The following CASZ1 variants were observed in gnomAD, a reference collection of about 807,000 sequenced individuals.
The protein encoded by CASZ1 is zinc finger protein castor homolog 1.
CASZ1 carries 28 observed loss-of-function variants against 135.2 expected under a neutral mutation model. The observed-to-expected ratio is 0.21, with a 90% CI of 0.15 to 0.28. The LOEUF is 0.28. CASZ1 is among the 10% of genes least tolerant of loss of function. The pLI is 1.00. For synonymous variants in CASZ1, 1,068 were observed against 1,073.4 expected (o/e 0.99, Z 0.10); for missense variants, 2,161 against 2,453.3 (o/e 0.88, Z 2.52).
In CASZ1 at chr1:10,779,279, ATTTTTTTTTTTTT is replaced by A. The variant is rs386366223; in HGVS notation, c.-234+17272_-234+17284del. 3.2e-5 allele frequency among the ~76,000 whole-genome samples: 4 copies of A among 125,232 alleles called. No individual in the cohort carries two copies. The East Asian group carries it at 9.9e-4, about 31-fold the overall frequency. The allele number at this position is 125,232 out of a possible 152,430, so 82.2% of individuals were successfully genotyped here. A position where few individuals can be genotyped will look rare whatever the true frequency, so the allele number is the denominator to read the frequency against. ...GTACAAACTATCTCATAATTTTATA[ATTTTTTTTTTTTT>A]TTTTTTTTTAGCACACTGGCCTAGG... On this transcript the variant is annotated intron_variant, in intron 1 of 20. Transcript: ENST00000377022.
chr1:10,677,818 C>T (rs1638271698), intron 4 of CASZ1, among the ~76,000 whole-genome samples: 1 of 152,236 alleles, frequency 6.6e-6, no homozygotes, highest in South Asian at 2.1e-4. Flanking sequence ...ACAAAGGCCC[C>T]CTGCTGCGGA....
rs753601864 is a variant in CASZ1, at chr1:10,665,143, TCTC to T, written c.442_444del (p.Glu148del). The T allele has an allele frequency of 1.6e-5, 24 of 1,532,338 alleles. No homozygotes were observed. The highest frequency in any genetic ancestry group is 2.0e-5 in the Non-Finnish European group (23 of 1,137,892). 94.9% of individuals were successfully genotyped at this position (1,532,338 alleles called of 1,614,324 possible). A position where few individuals can be genotyped will look rare whatever the true frequency, so the allele number is the denominator to read the frequency against. On this transcript the variant is annotated inframe_deletion, in exon 5 of 21. Transcript: ENST00000377022. ...TTGGAGGCTGCCCCGTCCGAATCCT[TCTC>T]CTCCAGGGCACCGCCGTCCTTGGAG...
At chr1:10,680,533 CA>C (rs1277416324) in intron 4 of CASZ1, among the ~76,000 whole-genome samples, 1 of 152,164 alleles carries the variant, frequency 6.6e-6, no homozygotes, top group Admixed American at 6.5e-5. Flanking sequence ...CTTTGGGTCT[CA>C]GGGGGTGCAG....
intron 1 of CASZ1, among the ~76,000 whole-genome samples, chr1:10,789,057 C>A (rs1020047755): frequency 2.0e-5 from 3 of 152,162 alleles, no homozygotes; most frequent in African/African-American, 7.2e-5. Flanking sequence ...TCTAACCCTA[C>A]CCCCACCTGG....
At chr1:10,770,438 T>G (rs1032620230) in intron 1 of CASZ1, among the ~76,000 whole-genome samples, 15 of 152,166 alleles carry the variant, frequency 9.9e-5, no homozygotes, top group African/African-American at 3.6e-4. Flanking sequence ...GAGCATAACT[T>G]GTAATCAAGG....
chr1:10,694,381 C>T lies in CASZ1; in HGVS notation c.-23-469G>A. ...TAATGCCTAATTGCAACTGATTACT[C>T]CCCGAATAACAAGTTGTTTTAAAGC... On this transcript the variant is annotated intron_variant, in intron 3 of 20. Transcript: ENST00000377022. The surrounding 1 kb of genome is among the most constrained non-coding windows in gnomAD (Gnocchi z 6.6). The T allele has an allele frequency of 9.7e-7, 1 of 1,031,334 alleles. No homozygotes were observed. Among genetic ancestry groups the T allele is most frequent in the Non-Finnish European group, 1.2e-6 (1 of 813,010 alleles). 63.9% of individuals were successfully genotyped at this position (1,031,334 alleles called of 1,614,324 possible). A position where few individuals can be genotyped will look rare whatever the true frequency, so the allele number is the denominator to read the frequency against.
chr1:10,788,157 G>C lies in CASZ1; in HGVS notation c.-234+8407C>G, dbSNP rs914625184. ...TGTGCCCAAGAGCTCTGCCATTAAG[G>C]GGATGTATCCATTACTGTGGATAGG... On this transcript the variant is annotated intron_variant, in intron 1 of 20. Coordinates refer to ENST00000377022, the MANE Select transcript of CASZ1 (RefSeq NM_001079843.3). The surrounding 1 kb of genome is among the most constrained non-coding windows in gnomAD (Gnocchi z 4.1). Among the ~76,000 whole-genome samples, 3 of 152,182 alleles carry C rather than the reference G, an allele frequency of 2.0e-5. No individual in the cohort carries two copies. The highest frequency in any genetic ancestry group is 7.2e-5 in the African/African-American group (3 of 41,442).
intron 4 of CASZ1, among the ~76,000 whole-genome samples, chr1:10,672,446 C>T (rs1643435763): frequency 6.7e-6 from 1 of 150,182 alleles, no homozygotes; most frequent in African/African-American, 2.4e-5. Context: ...GGACAGTGAT[C>T]CTTCACTCGC....
chr1:10,785,703 G>A lies in CASZ1; in HGVS notation c.-234+10861C>T, dbSNP rs116653206. Among the ~76,000 whole-genome samples the A allele has an allele frequency of 2.1e-3, 318 of 152,344 alleles. 1 individual carries two copies. Among genetic ancestry groups the A allele is most frequent in the African/African-American group, 7.2e-3 (301 of 41,578 alleles). The stretch of plus-strand genomic sequence containing the variant: ...CATGTCAGGGGCTAAAGGGACAACC[G>A]TTGTCCTCTGCCCCTTGGCTAAGCA... On this transcript the variant is annotated intron_variant, in intron 1 of 20. Transcript: ENST00000377022.
intron 2 of CASZ1, among the ~76,000 whole-genome samples, chr1:10,710,618 C>A (rs1482137619): frequency 1.3e-5 from 2 of 152,214 alleles, no homozygotes; most frequent in Admixed American, 1.3e-4. Flanking sequence ...TCTCTGCCAG[C>A]TCAGGGCTCA....
chr1:10,728,284 T>C (rs1384689455), intron 2 of CASZ1, among the ~76,000 whole-genome samples: 1 of 152,178 alleles, frequency 6.6e-6, no homozygotes, highest in Admixed American at 6.5e-5. Context: ...ATCCATTTAC[T>C]CTAAGGGCCC....
At position 10,639,295 on chromosome 1, in the gene CASZ1, G is replaced by A. The variant is rs12757193; in HGVS notation, c.4927C>T (p.Leu1643=). The A allele has an allele frequency of 6.0e-6, 8 of 1,331,616 alleles. 1 individual carries two copies. Among genetic ancestry groups the A allele is most frequent in the South Asian group, 5.2e-5 (3 of 58,012 alleles). 82.5% of individuals were successfully genotyped at this position (1,331,616 alleles called of 1,614,324 possible). Residue 1643 remains leucine (L), a synonymous_variant, in exon 21 of 21, where the codon CTG becomes TTG. Transcript: ENST00000377022. The surrounding 1 kb of genome is among the most constrained non-coding windows in gnomAD (Gnocchi z 4.0). ...QSAAAGLGLA[L]GDAGDPGPPD... ...GGGCCGGGGTCGCCCGCGTCGCCCA[G>A]CGCCAGGCCCAGGCCGGCGGCCGCC...
chr1:10,704,919 G>A (rs1272925166), intron 3 of CASZ1, among the ~76,000 whole-genome samples: 2 of 152,266 alleles, frequency 1.3e-5, no homozygotes, highest in Non-Finnish European at 2.9e-5. Flanking sequence ...CTTCAGGGGA[G>A]CCCCGTGCCT....
chr1:10,639,939 C>T lies in CASZ1; in HGVS notation c.4283G>A (p.Gly1428Asp). Reference protein sequence around the residue: ...TASSRKMLDEGMMLEGFRRFD... With the variant: ...TASSRKMLDEDMMLEGFRRFD... ...GCGCCGGAAGCCCTCCAGCATCATGCCCTCGTCCAGCATCTTCCGGGAGGA... is the reference window on the plus strand; with the variant it reads ...GCGCCGGAAGCCCTCCAGCATCATGTCCTCGTCCAGCATCTTCCGGGAGGA... The change falls in exon 21 of 21, where the codon GGC becomes GAC. Residue 1428 changes from glycine (G) to aspartate (D), a missense_variant. Gly to Asp is a moderately conservative substitution (Grantham distance 94). Transcript: ENST00000377022. This position sits in a 1 kb window ranked among gnomAD's most constrained non-coding sequence, Gnocchi z 4.0. The T allele has an allele frequency of 6.2e-7, 1 of 1,612,926 alleles. No individual in the cohort carries two copies. The highest frequency in any genetic ancestry group is 8.5e-7 in the Non-Finnish European group (1 of 1,179,998).
chr1:10,682,559 G>C (rs1045890857), intron 4 of CASZ1, among the ~76,000 whole-genome samples: 2 of 152,190 alleles, frequency 1.3e-5, no homozygotes, highest in Non-Finnish European at 2.9e-5. Context: ...CAAAATGTCA[G>C]GGTTTATAGC....
chr1:10,666,027 C>T lies in CASZ1; in HGVS notation c.17-456G>A, dbSNP rs1643223226. 2.0e-5 allele frequency among the ~76,000 whole-genome samples: 3 copies of T among 152,130 alleles called. No individual in the cohort carries two copies. Among genetic ancestry groups the T allele is most frequent in the Non-Finnish European group, 4.4e-5 (3 of 68,016 alleles). Reference sequence around the variant, plus strand: ...GCGTGGCATTCCTGGCAGCTTGTTCCGCTTGGGAGCGTCCTGCCTTACCAC... The same window carrying T: ...GCGTGGCATTCCTGGCAGCTTGTTCTGCTTGGGAGCGTCCTGCCTTACCAC... On this transcript the variant is annotated intron_variant, in intron 4 of 20. Coordinates refer to ENST00000377022, the MANE Select transcript of CASZ1 (RefSeq NM_001079843.3). This position sits in a 1 kb window ranked among gnomAD's most constrained non-coding sequence, Gnocchi z 5.2.
At chr1:10,780,078 C>T (rs927582208) in intron 1 of CASZ1, among the ~76,000 whole-genome samples, 4 of 152,194 alleles carry the variant, frequency 2.6e-5, no homozygotes, top group East Asian at 1.9e-4. Context: ...CTCACCCTCA[C>T]GGTGACCTTC....
intron 1 of CASZ1, among the ~76,000 whole-genome samples, chr1:10,773,414 TGGAGCTGGCCTG>T (rs1197250522): frequency 7.4e-6 from 1 of 134,412 alleles, no homozygotes; most frequent in Non-Finnish European, 1.6e-5. Context: ...GGGGCGGGGG[TGGAGCTGGCCTG>T]GGAGGGATTG....
chr1:10,755,697 T>C lies in CASZ1; in HGVS notation c.-77+5004A>G, dbSNP rs1034829076. On this transcript the variant is annotated intron_variant, in intron 2 of 20. Coordinates refer to ENST00000377022, the MANE Select transcript of CASZ1 (RefSeq NM_001079843.3). This position sits in a 1 kb window ranked among gnomAD's most constrained non-coding sequence, Gnocchi z 4.3. Reference sequence around the variant, plus strand: ...CAGGCTGGGGTTCGGCACCACCAGGTGGAACACTTGCCCAGATGAGAAATC... The same window carrying C: ...CAGGCTGGGGTTCGGCACCACCAGGCGGAACACTTGCCCAGATGAGAAATC... Among the ~76,000 whole-genome samples the C allele has an allele frequency of 1.4e-4, 22 of 152,024 alleles. No individual in the cohort carries two copies. Among genetic ancestry groups the C allele is most frequent in the Admixed American group, 1.3e-3 (20 of 15,272 alleles).
Sources: gnomAD v4.1 joint callset for allele counts (sites outside exome capture counted in the v4.1 genomes callset) on GRCh38, gnomAD v4.1.1 for gene constraint, Gnocchi (gnomAD v3.1) non-coding constraint, MANE v1.5 for transcripts, NCBI Gene and HGNC (gene_info 2026-07-23, HGNC 2026-07-21) for gene names.